Variants in PM20D2 observed in about 807,000 individuals in gnomAD.
PM20D2 encodes the protein peptidase M20 domain containing 2, also known as xaa-Arg dipeptidase.
A neutral mutation model predicts 42.9 loss-of-function variants in PM20D2; 33 were observed. That is an observed-to-expected ratio of 0.77 (90% CI 0.58 to 1.03). The LOEUF is 1.03. Among genes scored for constraint, PM20D2 ranks in the 50% least tolerant of loss-of-function variants. PM20D2 has a pLI of 0.00. For synonymous variants in PM20D2, 250 were observed against 228.2 expected (o/e 1.10, Z -0.86); for missense variants, 548 against 557.0 (o/e 0.98, Z 0.16).
chr6:89,118,812 T>A, the PM20D2 span, among the ~76,000 whole-genome samples: 1 of 152,196 alleles, frequency 6.6e-6, no homozygotes, highest in Admixed American at 6.5e-5. Flanking sequence ...CAAACGAATG[T>A]ACAAATGAAT....
chr6:89,098,854 T>C, the PM20D2 span: 1 of 1,613,990 alleles, frequency 6.2e-7, no homozygotes, highest in Non-Finnish European at 8.5e-7. Context: ...AATTCCTTCT[T>C]GGAGTTCTTG....
the PM20D2 span, among the ~76,000 whole-genome samples, chr6:89,100,207 G>C: frequency 2.0e-5 from 3 of 152,174 alleles, no homozygotes; most frequent in Non-Finnish European, 4.4e-5. Context: ...CAAAAAACCG[G>C]AATTCAGAAA....
In PM20D2 at chr6:89,146,201, G is replaced by C; in HGVS notation, c.57G>C (p.Glu19Asp). The change falls in exon 1 of 7, where the codon GAG becomes GAC. Residue 19 changes from glutamate (E) to aspartate (D), a missense_variant. Around this residue, in one of 3 missense-constraint regions of PM20D2, gnomAD observed 470 missense variants for 464.4 expected, o/e 1.01. Coordinates refer to ENST00000275072, the MANE Select transcript of PM20D2 (RefSeq NM_001010853.3). ...GGGGCGCGTGCAATGGCCGCTCCGA[G>C]CTGGAGCTACTGAAGCTGCGCTCGG... ...VEGGACNGRSELELLKLRSAE... is the reference protein window; with the variant it reads ...VEGGACNGRSDLELLKLRSAE... The C allele has an allele frequency of 1.3e-6, 2 of 1,562,714 alleles. No individual in the cohort carries two copies. Among genetic ancestry groups the C allele is most frequent in the Non-Finnish European group, 8.6e-7 (1 of 1,162,596 alleles).
At chr6:89,121,699 A>T in the PM20D2 span, among the ~76,000 whole-genome samples, 1 of 152,224 alleles carries the variant, frequency 6.6e-6, no homozygotes, top group Non-Finnish European at 1.5e-5. Flanking sequence ...CCCAAGGAGT[A>T]TACCACTGGC....
Position 89,164,277 on chromosome 6 carries a change from A to C in PM20D2, c.*2014A>C, listed in dbSNP as rs1345450164. 1.3e-5 allele frequency: 2 copies of C among 152,370 alleles called. No individual in the cohort carries two copies. Among genetic ancestry groups the C allele is most frequent in the Non-Finnish European group, 2.9e-5 (2 of 68,016 alleles). The allele number at this position is 152,370 out of a possible 1,614,324, so 9.4% of individuals were successfully genotyped here. ...TGTTTATTTATTAAGAGTTGTGTTGATAATTTAACTGTTACAATTTCAGCA... is the reference window on the plus strand; with the variant it reads ...TGTTTATTTATTAAGAGTTGTGTTGCTAATTTAACTGTTACAATTTCAGCA... On this transcript the variant is annotated 3_prime_UTR_variant, in exon 7 of 7. Coordinates refer to ENST00000275072, the MANE Select transcript of PM20D2 (RefSeq NM_001010853.3).
chr6:89,140,673 G>A, the PM20D2 span, among the ~76,000 whole-genome samples: 1 of 152,178 alleles, frequency 6.6e-6, no homozygotes, highest in Admixed American at 6.5e-5. Flanking sequence ...TGTACACACT[G>A]TGGGGAATCA....
At chr6:89,114,710 AC>A in the PM20D2 span, among the ~76,000 whole-genome samples, 1 of 152,242 alleles carries the variant, frequency 6.6e-6, no homozygotes, top group Non-Finnish European at 1.5e-5. Context: ...ATCAGGTGTC[AC>A]CTGCAGATGT....
the PM20D2 span, among the ~76,000 whole-genome samples, chr6:89,120,055 G>A: frequency 6.6e-6 from 1 of 152,190 alleles, no homozygotes; most frequent in East Asian, 1.9e-4. Flanking sequence ...AGAGCCAAGC[G>A]AAAGGGGTTT....
the PM20D2 span, among the ~76,000 whole-genome samples, chr6:89,110,745 G>A: frequency 1.3e-5 from 2 of 151,980 alleles, no homozygotes; most frequent in Non-Finnish European, 2.9e-5. Flanking sequence ...TAGGCTGGAG[G>A]GTATGCCTAC....
intron 4 of PM20D2, among the ~76,000 whole-genome samples, chr6:89,155,463 A>G (rs1024833491): frequency 8.1e-5 from 12 of 148,698 alleles, no homozygotes; most frequent in Non-Finnish European, 1.6e-4. Flanking sequence ...AATTTTTTGT[A>G]TGTTTTTCTG....
chr6:89,138,079 T>TA, the PM20D2 span, among the ~76,000 whole-genome samples: 1 of 151,408 alleles, frequency 6.6e-6, no homozygotes, highest in Non-Finnish European at 1.5e-5. Context: ...TTTTTTTTTT[T>TA]AATTTTTGCA....
At chr6:89,157,982 G>A (rs9344909) in intron 4 of PM20D2, among the ~76,000 whole-genome samples, 40,573 of 152,026 alleles carry the variant, frequency 0.27, 5,518 homozygotes, top group Admixed American at 0.32. Context: ...ACTCCAGCCT[G>A]GGCAACAGAG....
At chr6:89,112,752 T>G in the PM20D2 span, among the ~76,000 whole-genome samples, 1 of 152,174 alleles carries the variant, frequency 6.6e-6, no homozygotes, top group Non-Finnish European at 1.5e-5. Context: ...CTTTTTTCAT[T>G]TTTTAATATA....
the PM20D2 span, among the ~76,000 whole-genome samples, chr6:89,110,456 C>T: frequency 2.6e-5 from 4 of 151,988 alleles, no homozygotes; most frequent in Non-Finnish European, 5.9e-5. Flanking sequence ...TGGAGGGAGG[C>T]GACCAATTAG....
At chr6:89,115,783 C>T in the PM20D2 span, among the ~76,000 whole-genome samples, 1 of 144,592 alleles carries the variant, frequency 6.9e-6, no homozygotes, top group African/African-American at 2.6e-5. Flanking sequence ...ACTACAGGCA[C>T]CCGCCACCAC....
chr6:89,095,014 C>T, the PM20D2 span, among the ~76,000 whole-genome samples: 4 of 152,100 alleles, frequency 2.6e-5, no homozygotes, highest in Non-Finnish European at 4.4e-5. Context: ...TATAAAACTA[C>T]ATCACCTTTC....
the PM20D2 span, among the ~76,000 whole-genome samples, chr6:89,128,820 A>G: frequency 1.3e-5 from 2 of 152,278 alleles, no homozygotes; most frequent in African/African-American, 2.4e-5. Context: ...GAAAGAACCT[A>G]TGTTGAAATA....
At chr6:89,135,552 A>G in the PM20D2 span, among the ~76,000 whole-genome samples, 6 of 151,346 alleles carry the variant, frequency 4.0e-5, no homozygotes, top group Non-Finnish European at 8.8e-5. Context: ...TCAATGGCAT[A>G]TGAGTTTATA....
In PM20D2 at chr6:89,162,127, T is replaced by C. The variant is rs1771264351; in HGVS notation, c.1175T>C (p.Phe392Ser). 2 of 1,613,532 alleles carry C rather than the reference T, an allele frequency of 1.2e-6. No individual in the cohort carries two copies. The highest frequency in any genetic ancestry group is 2.7e-5 in the African/African-American group (2 of 74,882). Residue 392 changes from phenylalanine to serine, a missense_variant, in exon 7 of 7, where the codon TTC (phenylalanine) becomes TCC (serine). Physicochemically the swap from Phe to Ser is radical, Grantham distance 155. Transcript: ENST00000275072. ...TEAAGSQEAQ[F>S]YTLRTAKALA... The stretch of plus-strand genomic sequence containing the variant: ...CTTTTAGGGTCACAGGAAGCTCAGT[T>C]CTACACTCTGCGGACGGCCAAAGCT...
Sources: allele counts gnomAD v4.1 joint callset (sites outside exome capture counted in the v4.1 genomes callset), GRCh38; gene constraint gnomAD v4.1.1; regional missense constraint gnomAD v4.1.1; transcripts MANE v1.5; gene names NCBI Gene and HGNC (gene_info 2026-07-23, HGNC 2026-07-21).